The following NOL4 variants were observed in gnomAD, a reference collection of about 807,000 sequenced individuals.
NOL4 encodes nucleolar protein 4, also known as cancer/testis antigen 125.
A neutral mutation model predicts 75.9 loss-of-function variants in NOL4; 17 were observed. That is an observed-to-expected ratio of 0.22 (90% CI 0.15 to 0.34). The LOEUF is 0.34. NOL4 is among the 10% of genes least tolerant of loss of function. NOL4 has a pLI of 1.00. For synonymous variants in NOL4, 292 were observed against 289.9 expected (o/e 1.01, Z -0.07); for missense variants, 614 against 793.5 (o/e 0.77, Z 2.72).
chr18:33,920,489 T>C (rs2066971725), intron 9 of NOL4, among the ~76,000 whole-genome samples: 2 of 152,212 alleles, frequency 1.3e-5, no homozygotes, highest in South Asian at 4.1e-4. Flanking sequence ...CTTCAAAAAG[T>C]GCAATGTAAA....
At chr18:33,903,066 G>GGC (rs2065835054) in intron 9 of NOL4, among the ~76,000 whole-genome samples, 1 of 152,110 alleles carries the variant, frequency 6.6e-6, no homozygotes, top group Admixed American at 6.6e-5. Context: ...AAGCTATAAA[G>GGC]TTAATCACTT....
At chr18:33,861,876 A>T (rs2063154238) in intron 10 of NOL4, among the ~76,000 whole-genome samples, 1 of 152,156 alleles carries the variant, frequency 6.6e-6, no homozygotes, top group Non-Finnish European at 1.5e-5. Flanking sequence ...TGCCATCCCC[A>T]TCAAGCTACC....
intron 8 of NOL4, among the ~76,000 whole-genome samples, chr18:33,954,242 G>T (rs1600031976): frequency 6.6e-6 from 1 of 152,218 alleles, no homozygotes; most frequent in African/African-American, 2.4e-5. Context: ...ATAACGACAA[G>T]TAAAAAATGT....
At chr18:34,097,434 G>A (rs368878880) in intron 4 of NOL4, among the ~76,000 whole-genome samples, 4 of 152,100 alleles carry the variant, frequency 2.6e-5, no homozygotes, top group African/African-American at 9.6e-5. Context: ...GAATCTTTGG[G>A]GTGGTGTCCT....
chr18:34,212,658 C>A (rs2036591088), intron 1 of NOL4, among the ~76,000 whole-genome samples: 1 of 152,152 alleles, frequency 6.6e-6, no homozygotes, highest in African/African-American at 2.4e-5. Context: ...TTTGGAAACT[C>A]CACTAGGGAA....
intron 1 of NOL4, among the ~76,000 whole-genome samples, chr18:34,197,273 G>T (rs183277121): frequency 6.6e-6 from 1 of 151,874 alleles, no homozygotes; most frequent in Admixed American, 6.6e-5. Flanking sequence ...ACCAATAATA[G>T]ATTTTTTAAA....
intron 5 of NOL4, among the ~76,000 whole-genome samples, chr18:34,084,756 TCTAA>T (rs1327346388): frequency 1.3e-5 from 2 of 152,186 alleles, no homozygotes; most frequent in Non-Finnish European, 2.9e-5. Context: ...TCACCCACAA[TCTAA>T]CTAGGATCTC....
chr18:34,130,015 G>A lies in NOL4; in HGVS notation c.270C>T (p.Gly90=), dbSNP rs1456625959. The A allele has an allele frequency of 7.1e-6, 11 of 1,554,794 alleles. No individual in the cohort carries two copies. Among genetic ancestry groups the A allele is most frequent in the Non-Finnish European group, 9.6e-6 (11 of 1,151,778 alleles). The stretch of plus-strand genomic sequence containing the variant: ...AAGATAGCTTCTCATCTACCCCTAC[G>A]CCATCCTGGAAACAAAACAACAACA... The part of the protein sequence containing the change: ...VLYVPVKTTD[G]VGVDEKLSLR... The change falls in exon 2 of 11, where the codon GGC becomes GGT. Residue 90 remains glycine, a synonymous_variant. Transcript: ENST00000261592.
intron 1 of NOL4, among the ~76,000 whole-genome samples, chr18:34,173,196 G>T (rs2033212190): frequency 6.6e-6 from 1 of 152,076 alleles, no homozygotes; most frequent in African/African-American, 2.4e-5. Flanking sequence ...ATGTTTTAAA[G>T]ATCAAGCTCA....
At chr18:33,967,135 A>G (rs2070668616) in intron 6 of NOL4, among the ~76,000 whole-genome samples, 2 of 152,178 alleles carry the variant, frequency 1.3e-5, no homozygotes, top group African/African-American at 2.4e-5. Context: ...AGATACATGG[A>G]CCAATGGAAC....
intron 2 of NOL4, among the ~76,000 whole-genome samples, chr18:34,114,861 G>A (rs889877759): frequency 6.6e-6 from 1 of 151,488 alleles, no homozygotes; most frequent in Non-Finnish European, 1.5e-5. Context: ...AAGGGCCCAG[G>A]GAAAGCAGAC....
chr18:34,163,142 T>C (rs1450440633), intron 1 of NOL4, among the ~76,000 whole-genome samples: 1 of 152,160 alleles, frequency 6.6e-6, no homozygotes, highest in African/African-American at 2.4e-5. Context: ...TCATACTGAA[T>C]AGGCAAAAGC....
At chr18:33,926,591 A>C (rs983311847) in intron 9 of NOL4, among the ~76,000 whole-genome samples, 5 of 151,892 alleles carry the variant, frequency 3.3e-5, no homozygotes, top group African/African-American at 1.2e-4. Flanking sequence ...AGATGGAAAT[A>C]AGATTTTTGT....
chr18:34,141,949 T>C (rs2081186847), intron 1 of NOL4, among the ~76,000 whole-genome samples: 1 of 152,088 alleles, frequency 6.6e-6, no homozygotes, highest in African/African-American at 2.4e-5. Context: ...AAAGGGCTAA[T>C]ATCCAGAATC....
chr18:33,887,563 C>G (rs973196006), intron 9 of NOL4, among the ~76,000 whole-genome samples: 4 of 151,768 alleles, frequency 2.6e-5, no homozygotes, highest in African/African-American at 9.7e-5. Flanking sequence ...AATGCTATCC[C>G]TCCCCCAGCC....
At chr18:34,034,030 G>A (rs780096756) in intron 5 of NOL4, among the ~76,000 whole-genome samples, 1 of 152,200 alleles carries the variant, frequency 6.6e-6, no homozygotes, top group African/African-American at 2.4e-5. Context: ...CTCTCCCTAC[G>A]AGAAATGCTC....
intron 8 of NOL4, among the ~76,000 whole-genome samples, chr18:33,952,653 G>C (rs1366611987): frequency 6.6e-6 from 1 of 152,166 alleles, no homozygotes; most frequent in African/African-American, 2.4e-5. Flanking sequence ...TGCCAGGTGT[G>C]GTGGCTCACG....
intron 4 of NOL4, among the ~76,000 whole-genome samples, chr18:34,099,256 G>A (rs1051522862): frequency 2.7e-5 from 4 of 149,724 alleles, no homozygotes; most frequent in African/African-American, 7.4e-5. Flanking sequence ...CTAGCTACTC[G>A]GGAGGCTGAG....
intron 6 of NOL4, among the ~76,000 whole-genome samples, chr18:34,018,985 T>C (rs2074871175): frequency 6.6e-6 from 1 of 152,058 alleles, no homozygotes; most frequent in Non-Finnish European, 1.5e-5. Flanking sequence ...TAGTAGAAAA[T>C]TGTGTACCGA....
Sources: gnomAD v4.1 joint callset for allele counts (sites outside exome capture counted in the v4.1 genomes callset) on GRCh38, gnomAD v4.1.1 for gene constraint, MANE v1.5 for transcripts, NCBI Gene and HGNC (gene_info 2026-07-23, HGNC 2026-07-21) for gene names.